Variants in DGKD observed in about 807,000 individuals in gnomAD.
DGKD encodes DAG kinase delta.
DGKD carries 68 observed loss-of-function variants against 154.4 expected under a neutral mutation model. That is an observed-to-expected ratio of 0.44 (90% CI 0.36 to 0.54). DGKD has a LOEUF of 0.54. Ranked by LOEUF, DGKD falls within the 20% of genes least tolerant of loss-of-function variation. The pLI is 0.00. For synonymous variants in DGKD, 693 were observed against 638.0 expected (o/e 1.09, Z -1.30); for missense variants, 1,343 against 1,593.6 (o/e 0.84, Z 2.68).
rs1044247193 is a variant in DGKD at position 233,470,283 on chromosome 2, ATG to A, written c.*829_*830del. Reference sequence around the variant, plus strand: ...CCAGCTGCATCCCTGCAGACAGAGGATGTGTGTCCACATGAGTGTTTCTGTGT... The same window carrying A: ...CCAGCTGCATCCCTGCAGACAGAGGATGTGTCCACATGAGTGTTTCTGTGT... On this transcript the variant is annotated 3_prime_UTR_variant, in exon 30 of 30. Transcript: ENST00000264057. 1.3e-5 allele frequency: 2 copies of A among 152,408 alleles called. No homozygotes were observed. Among genetic ancestry groups the A allele is most frequent in the African/African-American group, 4.8e-5 (2 of 41,450 alleles). 9.4% of individuals were successfully genotyped at this position (152,408 alleles called of 1,614,324 possible).
intron 3 of DGKD, among the ~76,000 whole-genome samples, chr2:233,405,136 T>A (rs2125496290): frequency 6.6e-6 from 1 of 152,358 alleles, no homozygotes; most frequent in East Asian, 1.9e-4. Flanking sequence ...TTAAGATATG[T>A]ATGTTGTTAT....
At chr2:233,447,510 C>T in intron 12 of DGKD, 1 of 985,256 alleles carries the variant, frequency 1.0e-6, no homozygotes, top group Non-Finnish European at 1.2e-6. Context: ...TTTATTTTTC[C>T]TTTTTTTAAA....
intron 1 of DGKD, among the ~76,000 whole-genome samples, chr2:233,376,681 C>G (rs1702590493): frequency 6.6e-6 from 1 of 152,086 alleles, no homozygotes; most frequent in Non-Finnish European, 1.5e-5. Context: ...CAAACTATCA[C>G]AAGGACAGAA....
At chr2:233,388,470 C>G in intron 2 of DGKD, 103 bp downstream of exon 2, 2 of 1,144,616 alleles carry the variant, frequency 1.7e-6, no homozygotes, top group South Asian at 3.2e-5. Context: ...CTTCAATTCT[C>G]AGATCTGTTA....
rs2063899817 is a variant in DGKD, at chr2:233,468,557, C to T, written c.3555+4C>T. The T allele has an allele frequency of 1.2e-6, 2 of 1,613,500 alleles. No individual in the cohort carries two copies. Among genetic ancestry groups the T allele is most frequent in the Non-Finnish European group, 1.7e-6 (2 of 1,179,936 alleles). ...CCTGGAGCGGAGGGACCTCAAGGTA[C>T]TTCCATAGGCGTCTCCCTGGAACCT... On this transcript the variant is annotated splice_donor_region_variant and intron_variant, in intron 29 of 29. Coordinates refer to ENST00000264057, the MANE Select transcript of DGKD (RefSeq NM_152879.3).
At chr2:233,375,562 T>C (rs1006348466) in intron 1 of DGKD, among the ~76,000 whole-genome samples, 2 of 152,108 alleles carry the variant, frequency 1.3e-5, no homozygotes, top group Non-Finnish European at 2.9e-5. Context: ...CGCATTGTTC[T>C]CAGGTGCTTT....
At chr2:233,384,140 C>T (rs1178376729) in intron 1 of DGKD, among the ~76,000 whole-genome samples, 1 of 152,146 alleles carries the variant, frequency 6.6e-6, no homozygotes, top group Non-Finnish European at 1.5e-5. Context: ...GTCCTGGTCA[C>T]ACTCAGGGTG....
At position 233,438,362 on chromosome 2, in the gene DGKD, C is replaced by A; in HGVS notation, c.1068C>A (p.Asn356Lys). The A allele has an allele frequency of 6.2e-7, 1 of 1,612,750 alleles. No individual in the cohort carries two copies. The highest frequency in any genetic ancestry group is 8.5e-7 in the Non-Finnish European group (1 of 1,179,064). Reference sequence around the variant, plus strand: ...CCGCCCAGGTCTTCGACCTCATGAACGGAGGCCCACACCTCGGGTAGGAAG... The same window carrying A: ...CCGCCCAGGTCTTCGACCTCATGAAAGGAGGCCCACACCTCGGGTAGGAAG... Reference protein sequence around the residue: ...LNPAQVFDLMNGGPHLGLRLF... With the variant: ...LNPAQVFDLMKGGPHLGLRLF... Residue 356 changes from asparagine (N) to lysine (K), a missense_variant, in exon 9 of 30, where the codon AAC becomes AAA. Asn to Lys is a moderately conservative substitution (Grantham distance 94, BLOSUM62 0). Transcript: ENST00000264057. The surrounding 1 kb of genome is among the most constrained non-coding windows in gnomAD (Gnocchi z 4.1).
At chr2:233,400,074 TC>T (rs1427870725) in intron 3 of DGKD, among the ~76,000 whole-genome samples, 7 of 152,220 alleles carry the variant, frequency 4.6e-5, no homozygotes, top group African/African-American at 1.2e-4. Context: ...ATGCACAGTT[TC>T]TTCTCCTCAC....
chr2:233,430,797 C>CT (rs941343785), intron 3 of DGKD, among the ~76,000 whole-genome samples: 4 of 152,182 alleles, frequency 2.6e-5, no homozygotes, highest in African/African-American at 7.2e-5. Context: ...GAGGAGAACT[C>CT]TTTTTCCCCC....
chr2:233,370,567 C>CTTT lies in DGKD; in HGVS notation c.156+15895_156+15896insTTT, dbSNP rs201017453. On this transcript the variant is annotated intron_variant, in intron 1 of 29. Coordinates refer to ENST00000264057, the MANE Select transcript of DGKD (RefSeq NM_152879.3). Reference sequence around the variant, plus strand: ...ATTTACGTTGTACGTTTCAGAACTTCTTCTTTTTTTTTTTTTTTTTTTGTT... The same window carrying CTTT: ...ATTTACGTTGTACGTTTCAGAACTTCTTTTTCTTTTTTTTTTTTTTTTTTTGTT... Among the ~76,000 whole-genome samples the CTTT allele has an allele frequency of 4.9e-4, 56 of 114,340 alleles. 1 individual carries two copies. Among genetic ancestry groups the CTTT allele is most frequent in the African/African-American group, 8.6e-4 (24 of 27,822 alleles). 75.0% of individuals were successfully genotyped at this position (114,340 alleles called of 152,430 possible).
intron 3 of DGKD, among the ~76,000 whole-genome samples, chr2:233,430,986 A>G (rs2062489195): frequency 6.6e-6 from 1 of 152,234 alleles, no homozygotes; most frequent in East Asian, 1.9e-4. Flanking sequence ...GCAATCAAAC[A>G]ACAACAAAAA....
chr2:233,453,685 C>G (rs930403466), intron 18 of DGKD, among the ~76,000 whole-genome samples: 9 of 152,248 alleles, frequency 5.9e-5, no homozygotes, highest in Non-Finnish European at 1.0e-4. Flanking sequence ...GGTGGAGGAA[C>G]AGGGGTTCCT....
Position 233,445,586 on chromosome 2 carries a change from G to C in DGKD, c.1195-37G>C. 2 of 1,564,126 alleles carry C rather than the reference G, an allele frequency of 1.3e-6. No individual in the cohort carries two copies. Among genetic ancestry groups the C allele is most frequent in the Non-Finnish European group, 1.7e-6 (2 of 1,153,750 alleles). On this transcript the variant is annotated intron_variant, in intron 10 of 29. Transcript: ENST00000264057. The surrounding 1 kb of genome is among the most constrained non-coding windows in gnomAD (Gnocchi z 5.5). ...GGCTGGGAAGTGGCCCCTGCCCCCA[G>C]GTGTTTGCCTGCGCATCGTCCCCCA...
Position 233,399,414 on chromosome 2 carries a change from G to T in DGKD, c.348+8931G>T, listed in dbSNP as rs540389158. Among the ~76,000 whole-genome samples the T allele has an allele frequency of 7.2e-5, 11 of 152,334 alleles. No individual in the cohort carries two copies. The East Asian group carries it at 2.1e-3, about 29-fold the overall frequency. On this transcript the variant is annotated intron_variant, in intron 3 of 29. Transcript: ENST00000264057. The stretch of plus-strand genomic sequence containing the variant: ...ATGCTGGGCCTGGCTGCAAGATCAG[G>T]TCTTCCTTCCTGCAGGGCACAGTCC...
chr2:233,413,875 T>A (rs1248434980), intron 3 of DGKD, among the ~76,000 whole-genome samples: 2 of 152,246 alleles, frequency 1.3e-5, no homozygotes, highest in African/African-American at 4.8e-5. Flanking sequence ...TTTTGGTCTT[T>A]TAAAATATTA....
At chr2:233,399,368 CAGGAAGCTTCCTGGG>C (rs1234503918) in intron 3 of DGKD, among the ~76,000 whole-genome samples, 1 of 152,238 alleles carries the variant, frequency 6.6e-6, no homozygotes, top group Non-Finnish European at 1.5e-5. Context: ...TTCGGCTCTG[CAGGAAGCTTCCTGGG>C]ACCAGATGCT....
chr2:233,446,114 T>G (rs911405647), intron 11 of DGKD, among the ~76,000 whole-genome samples: 3 of 152,220 alleles, frequency 2.0e-5, no homozygotes, highest in Non-Finnish European at 2.9e-5. Flanking sequence ...TTGAACAGTT[T>G]CATTTTCTCA....
chr2:233,425,830 T>C (rs748264379), intron 3 of DGKD, among the ~76,000 whole-genome samples: 2 of 152,266 alleles, frequency 1.3e-5, no homozygotes, highest in African/African-American at 2.4e-5. Context: ...AAATATTTTG[T>C]CTTTATAGTG....
Sources: allele counts gnomAD v4.1 joint callset (sites outside exome capture counted in the v4.1 genomes callset), GRCh38; gene constraint gnomAD v4.1.1; non-coding constraint Gnocchi (gnomAD v3.1); transcripts MANE v1.5; gene names NCBI Gene and HGNC (gene_info 2026-07-23, HGNC 2026-07-21).